ERI1: variants seen among roughly 807,000 people sequenced by gnomAD.
ERI1 encodes 3'-5' exoribonuclease 1.
ERI1 carries 39 observed loss-of-function variants against 39.7 expected under a neutral mutation model. The observed-to-expected ratio is 0.98, with a 90% CI of 0.76 to 1.28. The LOEUF is 1.28. Among genes scored for constraint, ERI1 ranks in the 50% most tolerant of loss-of-function variants. ERI1 has a pLI of 0.00. For synonymous variants in ERI1, 204 were observed against 149.6 expected (o/e 1.36, Z -2.65); for missense variants, 581 against 416.9 (o/e 1.39, Z -3.43).
At chr8:9,050,856 G>A (rs1452760420) in intron 3 of ERI1, among the ~76,000 whole-genome samples, 1 of 151,998 alleles carries the variant, frequency 6.6e-6, no homozygotes, top group Non-Finnish European at 1.5e-5. Context: ...TCTGCTGTGG[G>A]GACCAAAGAG....
At chr8:9,039,705 A>G (rs1797957847) in intron 3 of ERI1, among the ~76,000 whole-genome samples, 1 of 152,208 alleles carries the variant, frequency 6.6e-6, no homozygotes, top group Non-Finnish European at 1.5e-5. Flanking sequence ...AGTGTTAATA[A>G]TATTAACTTT....
At chr8:9,018,213 C>A (rs540422137) in intron 4 of ERI1, 84 bp from the exon 5 acceptor site, 1 of 665,732 alleles carries the variant, frequency 1.5e-6, no homozygotes, top group East Asian at 2.6e-5. Context: ...CTGTTTCTTC[C>A]CCTCCAACTT....
intron 3 of ERI1, 87 bp from the exon 4 acceptor site, chr8:9,016,235 A>G (rs1015214431): frequency 1.3e-5 from 9 of 671,460 alleles, no homozygotes; most frequent in African/African-American, 1.3e-4. Flanking sequence ...ATGAAATTGC[A>G]ACCTGCTGTG....
chr8:9,080,611 C>T (rs556454581), intron 3 of ERI1, among the ~76,000 whole-genome samples: 36 of 152,198 alleles, frequency 2.4e-4, no homozygotes, highest in Admixed American at 1.6e-3. Context: ...CACGTTCACC[C>T]GTTCCACCTT....
At position 9,002,918 on chromosome 8, in the gene ERI1, G is replaced by A; in HGVS notation, c.-146G>A. 1 of 503,654 alleles carries A rather than the reference G, an allele frequency of 2.0e-6. No individual in the cohort carries two copies. The allele number at this position is 503,654 out of a possible 1,614,324, so 31.2% of individuals were successfully genotyped here. On this transcript the variant is annotated 5_prime_UTR_variant, in exon 1 of 7. In the 5' UTR this introduces an upstream ATG that the reference lacks. Transcript: ENST00000250263. The stretch of plus-strand genomic sequence containing the variant: ...CGCCACACGCTCCCGGAAGTGGGAG[G>A]TGGCCGCTGGAGTTTGTGTGGCCGC...
At chr8:9,016,653 C>G (rs112356784) in intron 4 of ERI1, among the ~76,000 whole-genome samples, 3 of 151,700 alleles carry the variant, frequency 2.0e-5, no homozygotes, top group Non-Finnish European at 4.4e-5. Flanking sequence ...TAAAATGCAT[C>G]AGCAAATTGT....
intron 4 of ERI1, among the ~76,000 whole-genome samples, chr8:9,017,206 AT>A (rs943607324): frequency 4.0e-5 from 6 of 149,702 alleles, no homozygotes; most frequent in East Asian, 3.9e-4. Context: ...TGATTGGCTA[AT>A]TTTTTTTTTA....
chr8:9,099,133 C>T (rs903565385), intron 3 of ERI1, among the ~76,000 whole-genome samples: 2 of 152,126 alleles, frequency 1.3e-5, no homozygotes, highest in Non-Finnish European at 2.9e-5. Context: ...CCACACCCGG[C>T]CACAATTTGG....
chr8:9,065,990 C>A (rs1166468834), intron 3 of ERI1, among the ~76,000 whole-genome samples: 2 of 152,096 alleles, frequency 1.3e-5, no homozygotes, highest in Non-Finnish European at 2.9e-5. Context: ...GAATAGGTCA[C>A]GGCCGCCTTT....
At chr8:9,010,731 C>G (rs933546358) in intron 2 of ERI1, among the ~76,000 whole-genome samples, 1 of 152,094 alleles carries the variant, frequency 6.6e-6, no homozygotes, top group African/African-American at 2.4e-5. Flanking sequence ...CTGGTTGCAA[C>G]TTAATTTTTT....
intron 6 of ERI1, among the ~76,000 whole-genome samples, chr8:9,024,286 T>G (rs1294205279): frequency 6.6e-6 from 1 of 152,266 alleles, no homozygotes; most frequent in Non-Finnish European, 1.5e-5. Context: ...AAGACAGATT[T>G]TTGTATAAGA....
At chr8:9,017,147 C>G (rs998002368) in intron 4 of ERI1, among the ~76,000 whole-genome samples, 2 of 152,162 alleles carry the variant, frequency 1.3e-5, no homozygotes, top group African/African-American at 4.8e-5. Context: ...TCAAGCGATT[C>G]TCCTGCCTCA....
In ERI1 at chr8:9,095,349, G is replaced by A. The variant is rs554026867; in HGVS notation, n.300-20999G>A. Among the ~76,000 whole-genome samples the A allele has an allele frequency of 5.9e-5, 9 of 152,122 alleles. No individual in the cohort carries two copies. The South Asian group carries it at 6.2e-4, about 11-fold the overall frequency. ...AGTAGATATCTTTTCAGTCCTTCCC[G>A]TTCTCTCTACCTCTCCCTACTTGGA... On this transcript the variant is annotated intron_variant and non_coding_transcript_variant, in intron 3 of 3. Transcript: ENST00000518663.
chr8:9,081,707 G>GGTT (rs1799378100), intron 3 of ERI1, among the ~76,000 whole-genome samples: 13 of 135,000 alleles, frequency 9.6e-5, no homozygotes, highest in Admixed American at 3.7e-4. Context: ...TTTGGTTTTT[G>GGTT]TTTGTTTGTT....
chr8:9,087,501 C>A (rs902753566), intron 3 of ERI1, among the ~76,000 whole-genome samples: 1 of 150,694 alleles, frequency 6.6e-6, no homozygotes, highest in African/African-American at 2.4e-5. Context: ...GACCTTAGGC[C>A]CACCTCGGCC....
At chr8:9,010,411 C>T (rs768937022) in intron 2 of ERI1, among the ~76,000 whole-genome samples, 86 of 152,150 alleles carry the variant, frequency 5.7e-4, no homozygotes, top group Admixed American at 2.0e-3. Context: ...TAAGGATTTT[C>T]TCCGTAGGTC....
intron 3 of ERI1, among the ~76,000 whole-genome samples, chr8:9,042,604 G>C (rs1053591248): frequency 5.3e-5 from 8 of 152,218 alleles, no homozygotes; most frequent in African/African-American, 1.9e-4. Flanking sequence ...TGTGGCCCTG[G>C]AGGAAGCCTA....
chr8:9,061,332 G>T (rs796467565), intron 3 of ERI1, among the ~76,000 whole-genome samples: 1 of 152,116 alleles, frequency 6.6e-6, no homozygotes, highest in African/African-American at 2.4e-5. Context: ...ATTGAAGTCC[G>T]GGCCAGGAAC....
chr8:9,077,508 GA>G (rs34447721), intron 3 of ERI1, among the ~76,000 whole-genome samples: 113,340 of 151,932 alleles, frequency 0.75, 43,552 homozygotes, highest in African/African-American at 0.85. Context: ...ATACCCCACA[GA>G]AAAAAAATAG....
Sources: gnomAD v4.1 joint callset for allele counts (sites outside exome capture counted in the v4.1 genomes callset) on GRCh38, gnomAD v4.1.1 for gene constraint, MANE v1.5 for transcripts, NCBI Gene and HGNC (gene_info 2026-07-23, HGNC 2026-07-21) for gene names.